Variants in ZNF454 observed in about 807,000 individuals in gnomAD.
ZNF454 encodes the protein zinc finger protein 454.
ZNF454 carries 30 observed loss-of-function variants against 48.2 expected under a neutral mutation model. That is an observed-to-expected ratio of 0.62 (90% confidence interval 0.47 to 0.84). The LOEUF is 0.84. Ranked by LOEUF, ZNF454 falls within the 40% of genes least tolerant of loss-of-function variation. The pLI, the probability that ZNF454 is intolerant of heterozygous loss-of-function variation, is 0.00. For synonymous variants in ZNF454, 204 were observed against 211.4 expected, an observed-to-expected ratio of 0.97 and a Z score of 0.30; for missense variants, 510 against 623.1, an observed-to-expected ratio of 0.82 and a Z score of 1.93.
chr5:178,958,449 A>G (rs930968370), intron 4 of ZNF454, among the ~76,000 whole-genome samples: 4 of 152,194 alleles, frequency 2.6e-5, no homozygotes, highest in Admixed American at 1.3e-4. Flanking sequence ...TTGCTATATA[A>G]TGTTTCGCCA....
intron 4 of ZNF454, among the ~76,000 whole-genome samples, chr5:178,947,654 A>C (rs947205008): frequency 6.6e-6 from 1 of 151,948 alleles, no homozygotes; most frequent in African/African-American, 2.4e-5. Context: ...TGAGAAGCTC[A>C]TTGTATCGGT....
At chr5:178,981,374 A>G in the ZNF454 span, 8 of 428,276 alleles carry the variant, frequency 1.9e-5, no homozygotes, top group Non-Finnish European at 2.6e-5. This position sits in a 1 kb window ranked among gnomAD's most constrained non-coding sequence, Gnocchi z 5.1. Flanking sequence ...GGATGAGAGA[A>G]TAAGTTTAGT....
the ZNF454 span, among the ~76,000 whole-genome samples, chr5:178,985,443 C>T: frequency 1.3e-5 from 2 of 151,624 alleles, no homozygotes; most frequent in Admixed American, 6.6e-5. Flanking sequence ...GCGGCTCCCG[C>T]CTGTCATCCC....
chr5:178,961,824 A>AC (rs1760022585), intron 4 of ZNF454, among the ~76,000 whole-genome samples: 1 of 151,556 alleles, frequency 6.6e-6, no homozygotes, highest in Admixed American at 6.6e-5. Context: ...TCTCAAAAAA[A>AC]AAAAAAAAAT....
At chr5:178,986,321 G>T in the ZNF454 span, 1 of 1,614,114 alleles carries the variant, frequency 6.2e-7, no homozygotes, top group South Asian at 1.1e-5. Flanking sequence ...GCGGCCCCAG[G>T]CTCAGCCACC....
intron 2 of ZNF454, among the ~76,000 whole-genome samples, chr5:178,943,971 G>C (rs999895765): frequency 6.6e-6 from 1 of 152,188 alleles, no homozygotes; most frequent in Admixed American, 6.5e-5. Flanking sequence ...AGCTTGCAGT[G>C]AGCCAAGATT....
intron 4 of ZNF454, among the ~76,000 whole-genome samples, chr5:178,947,783 T>G (rs1377684850): frequency 6.6e-6 from 1 of 152,190 alleles, no homozygotes; most frequent in East Asian, 1.9e-4. Flanking sequence ...CTGTGGAGTA[T>G]TTTTATAAAC....
chr5:178,977,474 C>G, the ZNF454 span: 1 of 455,314 alleles, frequency 2.2e-6, no homozygotes, highest in African/African-American at 2.0e-5. Flanking sequence ...TTTTTAGAAG[C>G]CACTGAGTCT....
chr5:178,973,028 C>T, the ZNF454 span, among the ~76,000 whole-genome samples: 2 of 151,272 alleles, frequency 1.3e-5, no homozygotes, highest in African/African-American at 2.4e-5. Flanking sequence ...CCTTTCTGAT[C>T]GTGGTGGCTG....
At chr5:178,971,271 G>A (rs111792897), downstream of ZNF454, among the ~76,000 whole-genome samples, 6 of 152,286 alleles carry the variant, frequency 3.9e-5, no homozygotes, top group East Asian at 1.9e-4. Context: ...GACAGGAGTC[G>A]GCGGGGAGTA....
At chr5:178,981,798 G>A in the ZNF454 span, 4 of 1,613,004 alleles carry the variant, frequency 2.5e-6, no homozygotes, top group South Asian at 1.1e-5. The surrounding 1 kb of genome is among the most constrained non-coding windows in gnomAD (Gnocchi z 5.1). Flanking sequence ...GCATGCCGAG[G>A]GACACCGAGG....
chr5:178,988,888 C>T, the ZNF454 span: 2 of 1,512,354 alleles, frequency 1.3e-6, no homozygotes, highest in South Asian at 2.3e-5. The surrounding 1 kb of genome is among the most constrained non-coding windows in gnomAD (Gnocchi z 6.0). Flanking sequence ...CAAAATCCAG[C>T]CCCCCAGCTG....
chr5:178,947,241 G>T (rs35607829), intron 4 of ZNF454, among the ~76,000 whole-genome samples: 2 of 152,186 alleles, frequency 1.3e-5, no homozygotes, highest in African/African-American at 2.4e-5. Flanking sequence ...CTCTGGTCTA[G>T]AAAAGACTCA....
chr5:178,970,237 C>T (rs1180703104), downstream of ZNF454, among the ~76,000 whole-genome samples: 1 of 152,174 alleles, frequency 6.6e-6, no homozygotes, highest in South Asian at 2.1e-4. Flanking sequence ...GCTCTTTGCC[C>T]CACCCTCCCC....
Position 178,941,355 on chromosome 5 carries a change from C to T in ZNF454, c.-197C>T. ...AGAGCGGGAGCGGTCGTGAGGTCGT[C>T]TGGGGAGAAGGGCGGAGGCAAAGCC... is the stretch of plus-strand genomic sequence containing the variant. On this transcript the variant is annotated 5_prime_UTR_variant, in exon 1 of 5. Coordinates refer to ENST00000519564, the MANE Select transcript of ZNF454 (RefSeq NM_001178089.3). The surrounding 1 kb of genome is among the most constrained non-coding windows in gnomAD (Gnocchi z 5.5). 1 of 454,946 alleles carries T rather than the reference C, an allele frequency of 2.2e-6. No homozygotes were observed. Among genetic ancestry groups the T allele is most frequent in the Non-Finnish European group, 4.4e-6 (1 of 226,060 alleles). The allele number at this position is 454,946 out of a possible 1,614,324, so 28.2% of individuals were successfully genotyped here.
chr5:178,946,404 G>T lies in ZNF454; in HGVS notation c.79G>T (p.Glu27Ter), dbSNP rs1759336304. ...TGTGGCTATACTGTTCACCCAGGAA[G>T]AGTGGGGGCAGCTGAGCCCCGCCCA... Reference protein sequence around the residue: ...KDVAILFTQEEWGQLSPAQRA... With the variant: ...KDVAILFTQE Residue 27 changes from glutamate to a stop codon, truncating the protein, a stop_gained, in exon 3 of 5, where the codon GAG becomes TAG. Coordinates refer to ENST00000519564, the MANE Select transcript of ZNF454 (RefSeq NM_001178089.3). LOFTEE classifies it high-confidence loss of function. The surrounding 1 kb of genome is among the most constrained non-coding windows in gnomAD (Gnocchi z 4.5). 6.2e-7 allele frequency: 1 copy of T among 1,612,984 alleles called. No individual in the cohort carries two copies. The highest frequency in any genetic ancestry group is 1.7e-5 in the Admixed American group (1 of 59,658).
At chr5:178,953,646 T>A (rs777384883) in intron 4 of ZNF454, among the ~76,000 whole-genome samples, 2 of 152,204 alleles carry the variant, frequency 1.3e-5, no homozygotes, top group Non-Finnish European at 2.9e-5. Flanking sequence ...TACCCTAGCC[T>A]GTCTGTAGAT....
chr5:178,985,022 A>G, the ZNF454 span, among the ~76,000 whole-genome samples: 1 of 152,168 alleles, frequency 6.6e-6, no homozygotes, highest in Admixed American at 6.5e-5. Flanking sequence ...TTACTGTCTT[A>G]GGAAAATCCC....
At chr5:178,970,622 C>A (rs61696934), downstream of ZNF454, among the ~76,000 whole-genome samples, 8 of 152,020 alleles carry the variant, frequency 5.3e-5, no homozygotes, top group African/African-American at 1.7e-4. Context: ...CCACCACGCC[C>A]GGCTAATTTT....
Sources: gnomAD v4.1 joint callset for allele counts (sites outside exome capture counted in the v4.1 genomes callset) on GRCh38, gnomAD v4.1.1 for gene constraint, Gnocchi (gnomAD v3.1) non-coding constraint, MANE v1.5 for transcripts, NCBI Gene and HGNC (gene_info 2026-07-23, HGNC 2026-07-21) for gene names.